Variants in NEXMIF observed in about 807,000 individuals in gnomAD.
NEXMIF encodes the protein XLMR protein related to neurite extension.
Under a neutral mutation model 62.1 loss-of-function variants are expected in NEXMIF, and 8 were observed. The ratio of observed to expected loss-of-function variants is 0.13; its 90% confidence interval spans 0.08 to 0.23. The LOEUF is 0.23. Among genes scored for constraint, NEXMIF ranks in the 10% least tolerant of loss-of-function variants. The probability of loss-of-function intolerance (pLI) is 1.00; values close to 1 mark genes in which losing one functional copy is unlikely to be tolerated. For synonymous variants in NEXMIF, 404 were observed against 416.6 expected (o/e 0.97, Z 0.37); for missense variants, 976 against 1,113.3 (o/e 0.88, Z 1.75).
At chrX:74,877,232 A>T (rs1337775001) in intron 1 of NEXMIF, among the ~76,000 whole-genome samples, 6 of 110,643 alleles carry the variant, frequency 5.4e-5, no homozygotes, top group African/African-American at 2.0e-4. Context: ...AAAGTATTTT[A>T]TTTCTCCTTC....
intron 2 of NEXMIF, 143 bp downstream of exon 2, chrX:74,745,429 G>T: frequency 2.2e-6 from 1 of 462,976 alleles, no homozygotes; most frequent in Non-Finnish European, 3.8e-6. Flanking sequence ...TTAGATATTT[G>T]GTGGAATAAA....
intron 1 of NEXMIF, among the ~76,000 whole-genome samples, chrX:74,873,984 C>T (rs1036637723): frequency 2.7e-5 from 3 of 111,445 alleles, no homozygotes; most frequent in Non-Finnish European, 5.6e-5. Flanking sequence ...TGTGCAGAAG[C>T]TCTTTGGTTG....
chrX:74,794,498 C>T (rs1392208289), intron 1 of NEXMIF, among the ~76,000 whole-genome samples: 2 of 111,897 alleles, frequency 1.8e-5, no homozygotes, highest in Non-Finnish European at 3.8e-5. Context: ...CTGTGGTGGG[C>T]TCCACCCAGT....
rs2080113312 is a variant in NEXMIF, at chrX:74,743,164, G to A, written c.1393C>T (p.Arg465Trp). The change falls in exon 3 of 4, where the codon CGG (arginine) becomes TGG (tryptophan). Residue 465 changes from arginine to tryptophan, a missense_variant. Physicochemically the swap from Arg to Trp is moderately radical, Grantham distance 101. Transcript: ENST00000055682. ...GAGGAGCTGCCAGAATTAGTGTCCC[G>A]AGCCATATAGCGACTACAGTCCTTG... ...EIKDCSRYMA[R>W]DTNSGSSSSQ... The A allele has an allele frequency of 1.7e-6, 2 of 1,210,620 alleles. No individual in the cohort carries two copies. Among genetic ancestry groups the A allele is most frequent in the Non-Finnish European group, 2.2e-6 (2 of 895,155 alleles).
rs186940284 is a variant in NEXMIF at position 74,911,727 on chromosome X, C to T, written c.-48+13156G>A. On this transcript the variant is annotated intron_variant, in intron 1 of 3. Transcript: ENST00000055682. ...AGATGTGAAAAATCCCACTATAGCC[C>T]TGGCTCAATTCCCTTTTCTTTCACC... Among the ~76,000 whole-genome samples, 429 of 112,611 alleles carry T rather than the reference C, an allele frequency of 3.8e-3. 1 individual carries two copies. The highest frequency in any genetic ancestry group is 5.5e-3 in the Non-Finnish European group (294 of 53,321).
chrX:74,918,673 TATAATCATGAA>T lies in NEXMIF; in HGVS notation c.-48+6199_-48+6209del, dbSNP rs747715568. ...TCCAAACACTAGATATGAGCTGAAA[TATAATCATGAA>T]ATGTGGACTCATCCTAACATTGAAC... On this transcript the variant is annotated intron_variant, in intron 1 of 3. Transcript: ENST00000055682. Among the ~76,000 whole-genome samples the T allele has an allele frequency of 4.5e-4, 51 of 112,396 alleles. No individual in the cohort carries two copies. The Admixed American group carries it at 4.6e-3, about 10-fold the overall frequency.
intron 1 of NEXMIF, among the ~76,000 whole-genome samples, chrX:74,880,092 T>A (rs1173830161): frequency 8.9e-6 from 1 of 112,316 alleles, no homozygotes; most frequent in Non-Finnish European, 1.9e-5. Flanking sequence ...CCATACCTCC[T>A]GACCTTTAGG....
At chrX:74,894,265 C>T (rs2080726534) in intron 1 of NEXMIF, among the ~76,000 whole-genome samples, 1 of 111,358 alleles carries the variant, frequency 9.0e-6, no homozygotes, top group East Asian at 2.8e-4. Context: ...CACTGCACTC[C>T]AGCCTGGGTG....
chrX:74,791,115 G>T (rs1393076328), intron 1 of NEXMIF, among the ~76,000 whole-genome samples: 1 of 110,288 alleles, frequency 9.1e-6, no homozygotes, highest in African/African-American at 3.3e-5. Context: ...CTGTGGGTTT[G>T]TCATAGATAG....
rs2080707754 is a variant in NEXMIF, at chrX:74,888,977, T to C, written c.-48+35906A>G. 4.5e-5 allele frequency among the ~76,000 whole-genome samples: 5 copies of C among 112,102 alleles called. No homozygotes were observed. The South Asian group carries it at 1.9e-3, about 42-fold the overall frequency. ...TTTATTGGTTCTTCCCTTAGTTAGC[T>C]ATATGGCCTTGAGCTAGAATGGGGT... On this transcript the variant is annotated intron_variant, in intron 1 of 3. Coordinates refer to ENST00000055682, the MANE Select transcript of NEXMIF (RefSeq NM_001008537.3).
At chrX:74,870,878 A>G (rs1337370412) in intron 1 of NEXMIF, among the ~76,000 whole-genome samples, 1 of 112,256 alleles carries the variant, frequency 8.9e-6, no homozygotes, top group African/African-American at 3.2e-5. Context: ...TGTATTATAT[A>G]TTAGTACAAT....
chrX:74,832,977 G>T (rs999324969), intron 1 of NEXMIF, among the ~76,000 whole-genome samples: 4 of 106,927 alleles, frequency 3.7e-5, no homozygotes, highest in African/African-American at 1.3e-4. Context: ...TATGAGAGAA[G>T]ATGCTTGACA....
chrX:74,877,503 C>T (rs865811144), intron 1 of NEXMIF, among the ~76,000 whole-genome samples: 30 of 110,721 alleles, frequency 2.7e-4, no homozygotes, highest in Admixed American at 1.8e-3. Flanking sequence ...ATCTCTGGGG[C>T]GTTCTCTGTA....
chrX:74,769,573 A>G (rs991202496), intron 1 of NEXMIF: 6 of 436,432 alleles, frequency 1.4e-5, no homozygotes, highest in Non-Finnish European at 2.4e-5. Flanking sequence ...GCGCTGAGAA[A>G]CCGACCAATT....
Position 74,780,200 on chromosome X carries a change from C to T in NEXMIF, c.-47-34503G>A, listed in dbSNP as rs781679893. On this transcript the variant is annotated intron_variant, in intron 1 of 3. Transcript: ENST00000055682. ...AGATAAAGGTTAGGTTTTTGTCTTTCCTAATGTTAACTTTAATCAGTGTTC... is the reference window on the plus strand; with the variant it reads ...AGATAAAGGTTAGGTTTTTGTCTTTTCTAATGTTAACTTTAATCAGTGTTC... Among the ~76,000 whole-genome samples the T allele has an allele frequency of 4.5e-5, 5 of 111,129 alleles. No homozygotes were observed. In the East Asian group the frequency reaches 1.4e-3, roughly 31 times the overall value.
rs558711320 is a variant in NEXMIF, at chrX:74,829,903, A to AT, written c.-47-84207dup. Among the ~76,000 whole-genome samples, 48 of 110,511 alleles carry AT rather than the reference A, an allele frequency of 4.3e-4. No homozygotes were observed. The South Asian group carries it at 0.016, about 37-fold the overall frequency. ...GTCAGTTTTTAAATCTGATTATTAG[A>AT]TTTTTTTTCCTATGGAGTTGTTTGA... On this transcript the variant is annotated intron_variant, in intron 1 of 3. Coordinates refer to ENST00000055682, the MANE Select transcript of NEXMIF (RefSeq NM_001008537.3).
intron 1 of NEXMIF, among the ~76,000 whole-genome samples, chrX:74,795,879 G>T (rs909929479): frequency 2.8e-5 from 3 of 106,400 alleles, no homozygotes; most frequent in African/African-American, 6.8e-5. Context: ...CATAAACACT[G>T]TACTGTAGTT....
At chrX:74,786,822 C>T (rs764971770) in intron 1 of NEXMIF, among the ~76,000 whole-genome samples, 2 of 111,327 alleles carry the variant, frequency 1.8e-5, no homozygotes, top group South Asian at 7.5e-4. Context: ...GTTGTACACA[C>T]ACACACACAC....
intron 1 of NEXMIF, among the ~76,000 whole-genome samples, chrX:74,887,482 C>T (rs1473108560): frequency 7.2e-5 from 8 of 111,768 alleles, no homozygotes; most frequent in South Asian, 3.8e-4. Context: ...AAAAAGTGGG[C>T]GAAGGATATT....
Sources: gnomAD v4.1 joint callset for allele counts (sites outside exome capture counted in the v4.1 genomes callset) on GRCh38, gnomAD v4.1.1 for gene constraint, MANE v1.5 for transcripts, NCBI Gene and HGNC (gene_info 2026-07-23, HGNC 2026-07-21) for gene names.